RPH3AL: variants seen among roughly 807,000 people sequenced by gnomAD.
RPH3AL encodes rab effector Noc2.
In RPH3AL, 38 loss-of-function variants were observed where a neutral mutation model predicts 43.1. That is an observed-to-expected ratio of 0.88 (90% CI 0.68 to 1.15). The LOEUF is 1.15. Among genes scored for constraint, RPH3AL ranks in the 50% most tolerant of loss-of-function variants. RPH3AL has a pLI of 0.00. For missense variants in RPH3AL, 462 were observed against 423.2 expected, an observed-to-expected ratio of 1.09 and a Z score of -0.81; for synonymous variants, 189 against 176.3, an observed-to-expected ratio of 1.07 and a Z score of -0.57.
chr17:247,294 G>C lies in RPH3AL; in HGVS notation c.439-9C>G. 3 of 1,560,658 alleles carry C rather than the reference G, an allele frequency of 1.9e-6. No individual in the cohort carries two copies. The highest frequency in any genetic ancestry group is 2.6e-6 in the Non-Finnish European group (3 of 1,152,142). On this transcript the variant is annotated splice_polypyrimidine_tract_variant and intron_variant, in intron 6 of 9. Transcript: ENST00000331302. The stretch of plus-strand genomic sequence containing the variant: ...CCCGACCTCTTCCAGACCTGAGTGG[G>C]GGAAGAGAGCTGCTTGGGGCACAGG...
chr17:250,964 G>T (rs1475389161), intron 6 of RPH3AL, among the ~76,000 whole-genome samples: 2 of 152,232 alleles, frequency 1.3e-5, no homozygotes, highest in Non-Finnish European at 2.9e-5. Context: ...ATCCCAGAGG[G>T]CAAAAGAACA....
intron 1 of RPH3AL, among the ~76,000 whole-genome samples, chr17:340,009 G>A (rs1224371139): frequency 6.6e-6 from 1 of 152,086 alleles, no homozygotes; most frequent in African/African-American, 2.4e-5. Flanking sequence ...CCTCAGAGCA[G>A]AGGCACAAAG....
chr17:274,831 G>T lies in RPH3AL; in HGVS notation c.438+6937C>A, dbSNP rs374782983. ...GTGAATGTGGCATGCTAGGGCTCAG[G>T]AACATAATTAGACAATTGTTTGGTG... On this transcript the variant is annotated intron_variant, in intron 6 of 9. Transcript: ENST00000331302. This position sits in a 1 kb window ranked among gnomAD's most constrained non-coding sequence, Gnocchi z 4.7. Among the ~76,000 whole-genome samples, 12 of 152,258 alleles carry T rather than the reference G, an allele frequency of 7.9e-5. No homozygotes were observed. The East Asian group carries it at 1.5e-3, about 20-fold the overall frequency.
intron 6 of RPH3AL, among the ~76,000 whole-genome samples, chr17:255,954 A>G (rs374478863): frequency 0.49 from 853 of 1,758 alleles, 206 homozygotes; most frequent in African/African-American, 0.61. Context: ...CCCTAGGAAT[A>G]TGACTACCCT....
intron 7 of RPH3AL, among the ~76,000 whole-genome samples, chr17:220,361 C>T (rs879507182): frequency 1.1e-5 from 1 of 91,174 alleles, no homozygotes; most frequent in African/African-American, 2.9e-5. Context: ...TAGACCCAAG[C>T]ACATCAGCTC....
chr17:220,275 A>T (rs35463888), intron 7 of RPH3AL, among the ~76,000 whole-genome samples: 10 of 146,084 alleles, frequency 6.8e-5, no homozygotes, highest in Non-Finnish European at 1.4e-4. Flanking sequence ...CCCAAGAACA[A>T]CAGCTCTGAG....
intron 5 of RPH3AL, among the ~76,000 whole-genome samples, chr17:315,050 T>A (rs2043895178): frequency 6.8e-6 from 1 of 146,210 alleles, no homozygotes; most frequent in Non-Finnish European, 1.5e-5. Flanking sequence ...GTACTCCACC[T>A]CCACTGAACT....
chr17:310,400 C>A (rs2043614646), intron 5 of RPH3AL, among the ~76,000 whole-genome samples: 1 of 152,118 alleles, frequency 6.6e-6, no homozygotes, highest in African/African-American at 2.4e-5. Flanking sequence ...GTGTGTGTGC[C>A]CAGGAGCACC....
At chr17:286,433 C>G (rs1036548414) in intron 5 of RPH3AL, among the ~76,000 whole-genome samples, 1 of 139,596 alleles carries the variant, frequency 7.2e-6, no homozygotes, top group Admixed American at 7.1e-5. Flanking sequence ...GTGTCTCTGG[C>G]TGGCAGGGGG....
chr17:324,286 G>T (rs1376142092), intron 3 of RPH3AL, among the ~76,000 whole-genome samples: 1 of 152,160 alleles, frequency 6.6e-6, no homozygotes, highest in African/African-American at 2.4e-5. Flanking sequence ...GCCTCCACCT[G>T]CTCCGCCTCC....
At chr17:277,563 G>T (rs2042682151) in intron 6 of RPH3AL, among the ~76,000 whole-genome samples, 3 of 152,186 alleles carry the variant, frequency 2.0e-5, no homozygotes, top group South Asian at 2.1e-4. Context: ...TTTATCCTCA[G>T]CACAGCAGAC....
intron 5 of RPH3AL, among the ~76,000 whole-genome samples, chr17:291,219 C>T (rs955315454): frequency 3.3e-5 from 5 of 152,090 alleles, no homozygotes; most frequent in South Asian, 2.1e-4. Flanking sequence ...CAAAGAGTGT[C>T]CCATTGAACG....
At chr17:316,388 C>A (rs1173130614) in intron 5 of RPH3AL, among the ~76,000 whole-genome samples, 1 of 132,876 alleles carries the variant, frequency 7.5e-6, no homozygotes, top group Non-Finnish European at 1.6e-5. Flanking sequence ...TCTCTCTGCA[C>A]CCACCTCCAT....
chr17:322,559 G>C lies in RPH3AL; in HGVS notation c.78-1144C>G, dbSNP rs4985615. 0.3 allele frequency: 46,122 copies of C among 152,034 alleles called. 7,099 individuals are homozygous for C. The highest frequency in any genetic ancestry group is 0.43 in the East Asian group (2,214 of 5,160). The allele number at this position is 152,034 out of a possible 1,614,324, so 9.4% of individuals were successfully genotyped here. ...GCTGCTTGGTGGGACGTGCAGGTGGGGTCAGGAAGTGGATAAATAAGAGAA... is the reference window on the plus strand; with the variant it reads ...GCTGCTTGGTGGGACGTGCAGGTGGCGTCAGGAAGTGGATAAATAAGAGAA... On this transcript the variant is annotated intron_variant, in intron 3 of 9. Transcript: ENST00000331302. The surrounding 1 kb of genome is among the most constrained non-coding windows in gnomAD (Gnocchi z 4.0).
chr17:348,407 A>T (rs2045286248), intron 1 of RPH3AL, among the ~76,000 whole-genome samples: 1 of 152,194 alleles, frequency 6.6e-6, no homozygotes, highest in Non-Finnish European at 1.5e-5. Context: ...CAGTATTACC[A>T]CATTTATTGT....
chr17:351,467 G>A (rs2045352006), intron 1 of RPH3AL, among the ~76,000 whole-genome samples: 1 of 152,012 alleles, frequency 6.6e-6, no homozygotes, highest in Non-Finnish European at 1.5e-5. Context: ...AACCAAAATA[G>A]ATTACACCAA....
At chr17:296,261 G>A (rs372566065) in intron 5 of RPH3AL, among the ~76,000 whole-genome samples, 2,986 of 54,720 alleles carry the variant, frequency 0.055, 103 homozygotes, top group Non-Finnish European at 0.076. Context: ...AGTGTGGGAG[G>A]GACAGAGGAG....
chr17:219,352 C>G (rs1346536540), intron 8 of RPH3AL, among the ~76,000 whole-genome samples: 1 of 151,172 alleles, frequency 6.6e-6, no homozygotes, highest in Admixed American at 6.6e-5. Flanking sequence ...GCACCCGCCA[C>G]CACACCCAGC....
rs565391561 is a variant in RPH3AL at position 238,433 on chromosome 17, G to A, written c.613+8678C>T. On this transcript the variant is annotated intron_variant, in intron 7 of 9. Transcript: ENST00000331302. ...CTCTGGAGGTTGAAGAGAAGAAGCC[G>A]CATCCTGTTAACTGTCCTCGGCGTT... Among the ~76,000 whole-genome samples, 3 of 152,236 alleles carry A rather than the reference G, an allele frequency of 2.0e-5. No individual in the cohort carries two copies. The East Asian group carries it at 5.8e-4, about 29-fold the overall frequency.
Sources: allele counts gnomAD v4.1 joint callset (sites outside exome capture counted in the v4.1 genomes callset), GRCh38; gene constraint gnomAD v4.1.1; non-coding constraint Gnocchi (gnomAD v3.1); transcripts MANE v1.5; gene names NCBI Gene and HGNC (gene_info 2026-07-23, HGNC 2026-07-21).